Variants in PLA2G12A observed in about 807,000 individuals in gnomAD.
PLA2G12A encodes the protein phospholipase A2 group XIIA, also known as group XIIA secretory phospholipase A2.
In PLA2G12A, 11 loss-of-function variants were observed where a neutral mutation model predicts 16.0. The observed-to-expected ratio is 0.69, with a 90% CI of 0.43 to 1.13. The LOEUF is 1.13. PLA2G12A is among the 50% of genes most tolerant of loss of function. The pLI is 0.00. For synonymous variants in PLA2G12A, 77 were observed against 93.8 expected, an observed-to-expected ratio of 0.82 and a Z score of 1.03; for missense variants, 214 against 237.3, an observed-to-expected ratio of 0.90 and a Z score of 0.65.
chr4:109,728,041 C>T (rs1722974687), intron 1 of PLA2G12A, among the ~76,000 whole-genome samples: 1 of 152,220 alleles, frequency 6.6e-6, no homozygotes, highest in South Asian at 2.1e-4. Flanking sequence ...AGGTCCATTG[C>T]ACTTGCTATT....
chr4:109,714,452 A>T lies in PLA2G12A; in HGVS notation c.495T>A (p.His165Gln). 1 of 1,614,108 alleles carries T rather than the reference A, an allele frequency of 6.2e-7. No homozygotes were observed. Among genetic ancestry groups the T allele is most frequent in the South Asian group, 1.1e-5 (1 of 91,082 alleles). The change falls in exon 4 of 4, where the codon CAT becomes CAA. Residue 165 changes from histidine (H) to glutamine (Q), a missense_variant. Transcript: ENST00000243501. Reference sequence around the variant, plus strand: ...TGTCCAGATATGGTTTACAACCTAAATGTATAACACTGTCAAACAAGAGCT... The same window carrying T: ...TGTCCAGATATGGTTTACAACCTAATTGTATAACACTGTCAAACAAGAGCT... ...TVELLFDSVI[H>Q]LGCKPYLDSQ...
intron 1 of PLA2G12A, among the ~76,000 whole-genome samples, chr4:109,723,225 ATC>A (rs1353712537): frequency 1.3e-5 from 2 of 151,186 alleles, no homozygotes; most frequent in Non-Finnish European, 2.9e-5. Flanking sequence ...AAAAAAAAAA[ATC>A]ATCAGTTCTT....
chr4:109,727,450 T>C (rs1160260115), intron 1 of PLA2G12A, among the ~76,000 whole-genome samples: 2 of 152,126 alleles, frequency 1.3e-5, no homozygotes. Context: ...TCTATCAGTA[T>C]GGTGACTTGG....
At chr4:109,728,489 T>C (rs1722982098) in intron 1 of PLA2G12A, among the ~76,000 whole-genome samples, 1 of 152,174 alleles carries the variant, frequency 6.6e-6, no homozygotes, top group South Asian at 2.1e-4. Context: ...AAAAACATCT[T>C]CATGAAGCAT....
At chr4:109,716,242 A>G (rs527756540) in intron 3 of PLA2G12A, among the ~76,000 whole-genome samples, 2 of 152,386 alleles carry the variant, frequency 1.3e-5, no homozygotes, top group East Asian at 3.9e-4. Context: ...TTAGGATATT[A>G]GAATCAGGGC....
rs1419293459 is a variant in PLA2G12A at position 109,712,929 on chromosome 4, G to A, written c.*1448C>T. ...TCACTTAGCCACAAGGCATACATGTGCCTTGTCTCACTGGAACAGCTGCCA... is the reference window on the plus strand; with the variant it reads ...TCACTTAGCCACAAGGCATACATGTACCTTGTCTCACTGGAACAGCTGCCA... On this transcript the variant is annotated 3_prime_UTR_variant, in exon 4 of 4. Coordinates refer to ENST00000243501, the MANE Select transcript of PLA2G12A (RefSeq NM_030821.5). 6 of 152,206 alleles carry A rather than the reference G, an allele frequency of 3.9e-5. No homozygotes were observed. In the East Asian group the frequency reaches 1.2e-3, roughly 29 times the overall value. The allele number at this position is 152,206 out of a possible 1,614,324, so 9.4% of individuals were successfully genotyped here. A position where few individuals can be genotyped will look rare whatever the true frequency, so the allele number is the denominator to read the frequency against.
intron 3 of PLA2G12A, among the ~76,000 whole-genome samples, chr4:109,714,955 ATTTT>A (rs869105597): frequency 1.6e-5 from 2 of 125,976 alleles, no homozygotes; most frequent in African/African-American, 5.4e-5. Context: ...ACACCCAGCT[ATTTT>A]TGTTTGTTTG....
intron 1 of PLA2G12A, among the ~76,000 whole-genome samples, chr4:109,720,574 C>CAAAAAAAAAA (rs61477793): frequency 2.7e-5 from 1 of 37,488 alleles, no homozygotes; most frequent in Non-Finnish European, 4.4e-5. Context: ...TGTCTGTATT[C>CAAAAAAAAAA]AAAAAAAAAA....
chr4:109,717,042 C>A (rs557613061), intron 3 of PLA2G12A, among the ~76,000 whole-genome samples: 43 of 152,308 alleles, frequency 2.8e-4, no homozygotes, highest in African/African-American at 9.9e-4. Flanking sequence ...GTCCTCTCCA[C>A]TAAGTGAAGA....
rs1166289959 is a variant in PLA2G12A at position 109,729,923 on chromosome 4, T to C, written c.-114A>G. ...GGCCCCGGACTTGGCAGCAGCCAGC[T>C]CCATATCCACGCCTCCTTCCCGGCT... On this transcript the variant is annotated 5_prime_UTR_variant, in exon 1 of 4. Transcript: ENST00000243501. 4 of 858,150 alleles carry C rather than the reference T, an allele frequency of 4.7e-6. No individual in the cohort carries two copies. In the African/African-American group the frequency reaches 5.5e-5, roughly 12 times the overall value. 53.2% of individuals were successfully genotyped at this position (858,150 alleles called of 1,614,324 possible).
At chr4:109,720,640 T>TATATATATATAC (rs1730922348) in intron 1 of PLA2G12A, among the ~76,000 whole-genome samples, 3 of 108,854 alleles carry the variant, frequency 2.8e-5, no homozygotes, top group African/African-American at 1.1e-4. Context: ...TATATATATA[T>TATATATATATAC]ATATGAATTT....
intron 1 of PLA2G12A, among the ~76,000 whole-genome samples, chr4:109,721,019 C>T (rs539903319): frequency 3.4e-4 from 51 of 152,198 alleles, no homozygotes; most frequent in African/African-American, 1.2e-3. Context: ...TGTGGTGAGC[C>T]GAGATCGTGC....
rs142441850 is a variant in PLA2G12A at position 109,725,372 on chromosome 4, A to G, written c.208+4230T>C. Among the ~76,000 whole-genome samples the G allele has an allele frequency of 2.2e-3, 339 of 152,366 alleles. 1 individual carries two copies. Among genetic ancestry groups the G allele is most frequent in the African/African-American group, 7.9e-3 (329 of 41,592 alleles). On this transcript the variant is annotated intron_variant, in intron 1 of 3. Transcript: ENST00000243501. The stretch of plus-strand genomic sequence containing the variant: ...AGAGGTTAAGTTGATTCAGACACCA[A>G]TGTTACAAATGTATTAATATTTTAA...
intron 1 of PLA2G12A, among the ~76,000 whole-genome samples, chr4:109,720,170 A>G (rs1012728411): frequency 1.3e-5 from 2 of 152,260 alleles, no homozygotes; most frequent in South Asian, 2.1e-4. Context: ...CCAACTCCCT[A>G]TTTTACACAA....
chr4:109,715,630 C>T (rs989283704), intron 3 of PLA2G12A, among the ~76,000 whole-genome samples: 2 of 151,950 alleles, frequency 1.3e-5, no homozygotes, highest in Admixed American at 6.6e-5. Context: ...GGACTATAGG[C>T]GCCTGGCTAA....
chr4:109,729,332 G>C (rs1489322888), intron 1 of PLA2G12A, among the ~76,000 whole-genome samples: 2 of 148,744 alleles, frequency 1.3e-5, no homozygotes, highest in Non-Finnish European at 3.0e-5. Flanking sequence ...ATTGAGGGGG[G>C]GAAAAGGTAA....
At chr4:109,725,844 G>C (rs894706700) in intron 1 of PLA2G12A, among the ~76,000 whole-genome samples, 4 of 152,186 alleles carry the variant, frequency 2.6e-5, no homozygotes, top group African/African-American at 9.7e-5. Context: ...AAGGTCTCAT[G>C]GCAGAGTTTT....
rs1005921206 is a variant in PLA2G12A, at chr4:109,710,709, G to C, written c.*3668C>G. ...TCGAACTTCTGACTTTGAGTGATCT[G>C]TCCGCCTTGGCCTCCCACAGTGCTG... On this transcript the variant is annotated 3_prime_UTR_variant, in exon 4 of 4. Transcript: ENST00000243501. 1 of 152,236 alleles carries C rather than the reference G, an allele frequency of 6.6e-6. No homozygotes were observed. The highest frequency in any genetic ancestry group is 2.4e-5 in the African/African-American group (1 of 41,460). The allele number at this position is 152,236 out of a possible 1,614,324, so 9.4% of individuals were successfully genotyped here. A position where few individuals can be genotyped will look rare whatever the true frequency, so the allele number is the denominator to read the frequency against.
At chr4:109,720,181 T>C (rs1358154557) in intron 1 of PLA2G12A, among the ~76,000 whole-genome samples, 1 of 152,214 alleles carries the variant, frequency 6.6e-6, no homozygotes, top group Non-Finnish European at 1.5e-5. Flanking sequence ...TTTTACACAA[T>C]AATCCTTTCA....
Sources: allele counts gnomAD v4.1 joint callset (sites outside exome capture counted in the v4.1 genomes callset), GRCh38; gene constraint gnomAD v4.1.1; transcripts MANE v1.5; gene names NCBI Gene and HGNC (gene_info 2026-07-23, HGNC 2026-07-21).